The following PREX1 variants were observed in gnomAD, a reference collection of about 807,000 sequenced individuals.
PREX1 encodes phosphatidylinositol 3,4,5-trisphosphate-dependent Rac exchanger 1 protein.
Under a neutral mutation model 198.3 loss-of-function variants are expected in PREX1, and 41 were observed. That is an observed-to-expected ratio of 0.21 (90% CI 0.16 to 0.27). The LOEUF (loss-of-function observed/expected upper bound fraction) is 0.27, where lower values mean the gene tolerates loss of function less well. Ranked by LOEUF, PREX1 falls within the 10% of genes least tolerant of loss-of-function variation. PREX1 has a pLI of 1.00. For synonymous variants in PREX1, 843 were observed against 887.2 expected (o/e 0.95, Z 0.89); for missense variants, 1,620 against 2,200.7 (o/e 0.74, Z 5.28).
the PREX1 span, among the ~76,000 whole-genome samples, chr20:48,841,638 G>A: frequency 6.6e-6 from 1 of 152,170 alleles, no homozygotes; most frequent in Non-Finnish European, 1.5e-5. Flanking sequence ...GTGAATGAAT[G>A]AATGGCCTTA....
chr20:48,778,232 A>G (rs762880059), intron 1 of PREX1, among the ~76,000 whole-genome samples: 2 of 152,208 alleles, frequency 1.3e-5, no homozygotes, highest in Admixed American at 6.5e-5. Context: ...AATAGCCAAA[A>G]CAATTCTGTA....
rs775216024 is a variant in PREX1, at chr20:48,676,280, G to A, written c.1590-12C>T. The stretch of plus-strand genomic sequence containing the variant: ...GGTAATCACGGTCTCTGTGGAGAAG[G>A]TGAGCGCACAGTGAGCAGGGCAGGG... On this transcript the variant is annotated splice_polypyrimidine_tract_variant and intron_variant, in intron 13 of 39. Coordinates refer to ENST00000371941, the MANE Select transcript of PREX1 (RefSeq NM_020820.4). 3.2e-5 allele frequency: 52 copies of A among 1,612,976 alleles called. No homozygotes were observed. The highest frequency in any genetic ancestry group is 4.1e-5 in the Non-Finnish European group (48 of 1,179,258).
At chr20:48,638,918 T>C (rs970982525) in intron 30 of PREX1, among the ~76,000 whole-genome samples, 1 of 152,214 alleles carries the variant, frequency 6.6e-6, no homozygotes, top group Non-Finnish European at 1.5e-5. Context: ...CCAGAGTCGA[T>C]GCTCCTCACT....
At chr20:48,636,746 C>A in intron 31 of PREX1, 63 bp from the exon 32 acceptor site, 1 of 1,440,090 alleles carries the variant, frequency 6.9e-7, no homozygotes, top group Non-Finnish European at 9.4e-7. Flanking sequence ...GAGGCCCACC[C>A]CCCAAAACCC....
chr20:48,661,444 A>AAAATAT (rs1555832820), intron 15 of PREX1, among the ~76,000 whole-genome samples: 50 of 49,580 alleles, frequency 1.0e-3, no homozygotes, highest in Non-Finnish European at 1.1e-3. Flanking sequence ...AAAAAAAAAA[A>AAAATAT]ATATATATAT....
Position 48,636,502 on chromosome 20 carries a change from G to A in PREX1, c.4128C>T (p.Val1376=), listed in dbSNP as rs763367066. 23 of 1,609,176 alleles carry A rather than the reference G, an allele frequency of 1.4e-5. No individual in the cohort carries two copies. The South Asian group carries it at 2.1e-4, about 15-fold the overall frequency. Residue 1376 remains valine, a synonymous_variant, in exon 32 of 40, where the codon GTC becomes GTT. Coordinates refer to ENST00000371941, the MANE Select transcript of PREX1 (RefSeq NM_020820.4). Reference sequence around the variant, plus strand: ...AGAGCAGGGACTGGCAGTGCAGCAGGACGCCCGTGGCCGCCACCTGCTCCA... The same window carrying A: ...AGAGCAGGGACTGGCAGTGCAGCAGAACGCCCGTGGCCGCCACCTGCTCCA... The part of the protein sequence containing the change: ...KWLEQVAATG[V]LLHCQSLLSP...
At chr20:48,629,652 T>C (rs1568788783) in intron 36 of PREX1, 31 bp from the exon 37 acceptor site, 1 of 1,604,232 alleles carries the variant, frequency 6.2e-7, no homozygotes, top group East Asian at 2.2e-5. Context: ...AACCGGGGAG[T>C]TGGAGGAGGT....
chr20:48,771,968 C>T (rs1364628129), intron 1 of PREX1, among the ~76,000 whole-genome samples: 1 of 152,084 alleles, frequency 6.6e-6, no homozygotes, highest in Non-Finnish European at 1.5e-5. Flanking sequence ...CTGAGGTGGG[C>T]GAATCACCTG....
chr20:48,764,156 C>T (rs988917235), intron 1 of PREX1, among the ~76,000 whole-genome samples: 1 of 152,178 alleles, frequency 6.6e-6, no homozygotes, highest in African/African-American at 2.4e-5. Context: ...GACCCCCAAG[C>T]TCCACAAGGG....
At chr20:48,850,528 T>C in the PREX1 span, among the ~76,000 whole-genome samples, 3 of 152,128 alleles carry the variant, frequency 2.0e-5, no homozygotes, top group Admixed American at 6.5e-5. Flanking sequence ...GAGCTGGGGC[T>C]GGGGAGTCTT....
At chr20:48,758,183 G>C (rs147007540) in intron 1 of PREX1, among the ~76,000 whole-genome samples, 1 of 152,194 alleles carries the variant, frequency 6.6e-6, no homozygotes, top group African/African-American at 2.4e-5. Flanking sequence ...ACCACCATGA[G>C]GCCCCAGACA....
chr20:48,713,857 T>TAAAAAAAAAAA (rs71337452), intron 5 of PREX1, among the ~76,000 whole-genome samples: 79 of 81,396 alleles, frequency 9.7e-4, no homozygotes, highest in East Asian at 1.2e-3. Flanking sequence ...CCCAGAACTA[T>TAAAAAAAAAAA]AAAAAAAAAA....
chr20:48,646,004 A>C lies in PREX1; in HGVS notation c.3359T>G (p.Leu1120Trp). 6.2e-7 allele frequency: 1 copy of C among 1,614,198 alleles called. No homozygotes were observed. The highest frequency in any genetic ancestry group is 8.5e-7 in the Non-Finnish European group (1 of 1,180,034). Reference protein sequence around the residue: ...PTSGGSCDASLAEEASSLPLV... With the variant: ...PTSGGSCDASWAEEASSLPLV... ...GGGCAGGGAGGAGGCCTCCTCAGCCAAGGATGCGTCGCAGGACCCACCCGA... is the reference window on the plus strand; with the variant it reads ...GGGCAGGGAGGAGGCCTCCTCAGCCCAGGATGCGTCGCAGGACCCACCCGA... Residue 1120 changes from leucine (L) to tryptophan (W), a missense_variant, in exon 26 of 40, where the codon TTG (leucine) becomes TGG (tryptophan). Coordinates refer to ENST00000371941, the MANE Select transcript of PREX1 (RefSeq NM_020820.4).
At chr20:48,882,938 T>A in the PREX1 span, among the ~76,000 whole-genome samples, 2 of 149,980 alleles carry the variant, frequency 1.3e-5, no homozygotes, top group African/African-American at 4.9e-5. Context: ...GTCCTTTTTT[T>A]TTTTTTTTTT....
At chr20:48,736,609 T>C (rs2090058128) in intron 3 of PREX1, among the ~76,000 whole-genome samples, 1 of 151,990 alleles carries the variant, frequency 6.6e-6, no homozygotes, top group African/African-American at 2.4e-5. Context: ...GCTGGGTGAG[T>C]AGATGTCTGA....
At chr20:48,681,450 A>T in intron 10 of PREX1, 115 bp from the exon 11 acceptor site, 1 of 987,476 alleles carries the variant, frequency 1.0e-6, no homozygotes, top group Non-Finnish European at 1.6e-6. Flanking sequence ...AGAACTTCCC[A>T]CAGGGAAGCC....
At chr20:48,696,612 CATACATACAT>C (rs2089847298) in intron 7 of PREX1, among the ~76,000 whole-genome samples, 5 of 89,370 alleles carry the variant, frequency 5.6e-5, no homozygotes, top group Non-Finnish European at 1.1e-4. Context: ...CACACACATA[CATACATACAT>C]ACATACATAC....
intron 1 of PREX1, among the ~76,000 whole-genome samples, chr20:48,799,965 G>C (rs1165303611): frequency 6.6e-6 from 1 of 152,230 alleles, no homozygotes; most frequent in Admixed American, 6.5e-5. Flanking sequence ...GGGGGACTTT[G>C]ATGTGGTAGA....
intron 1 of PREX1, among the ~76,000 whole-genome samples, chr20:48,779,028 A>G (rs2090276672): frequency 6.6e-6 from 1 of 152,228 alleles, no homozygotes; most frequent in South Asian, 2.1e-4. Context: ...AAAAATGAAA[A>G]CTTTTGCCAT....
Sources: gnomAD v4.1 joint callset for allele counts (sites outside exome capture counted in the v4.1 genomes callset) on GRCh38, gnomAD v4.1.1 for gene constraint, MANE v1.5 for transcripts, NCBI Gene and HGNC (gene_info 2026-07-23, HGNC 2026-07-21) for gene names.